ELF2: variants seen among roughly 807,000 people sequenced by gnomAD.
The protein encoded by ELF2 is E74 like ETS transcription factor 2.
ELF2 carries 11 observed loss-of-function variants against 54.8 expected under a neutral mutation model. The ratio of observed to expected loss-of-function variants is 0.20; its 90% CI spans 0.13 to 0.33. The LOEUF is 0.33. Ranked by LOEUF, ELF2 falls within the 10% of genes least tolerant of loss-of-function variation. The probability of loss-of-function intolerance (pLI) is 1.00; values close to 1 mark genes in which losing one functional copy is unlikely to be tolerated. For missense variants in ELF2, 513 were observed against 703.0 expected, an observed-to-expected ratio of 0.73 and a Z score of 3.06; for synonymous variants, 203 against 245.1, an observed-to-expected ratio of 0.83 and a Z score of 1.61.
chr4:139,149,339 T>A (rs1355671170), intron 1 of ELF2, among the ~76,000 whole-genome samples: 1 of 152,168 alleles, frequency 6.6e-6, no homozygotes, highest in Non-Finnish European at 1.5e-5. Flanking sequence ...TCTCTGGGCA[T>A]GGTGGCTCAC....
intron 6 of ELF2, among the ~76,000 whole-genome samples, chr4:139,068,482 T>G (rs1247868957): frequency 6.6e-6 from 1 of 152,192 alleles, no homozygotes; most frequent in Non-Finnish European, 1.5e-5. Context: ...GTAAAAAATA[T>G]CAAACACTCT....
chr4:139,065,648 A>G (rs571381944), intron 7 of ELF2, among the ~76,000 whole-genome samples: 1 of 152,334 alleles, frequency 6.6e-6, no homozygotes, highest in African/African-American at 2.4e-5. Flanking sequence ...AACAGCTTCA[A>G]TTAATTACAT....
In ELF2 at chr4:139,170,711, C is replaced by CATTAT. The variant is rs1228735795; in HGVS notation, c.-252+6255_-252+6256insATAAT. On this transcript the variant is annotated intron_variant, in intron 1 of 9. Coordinates refer to ENST00000686138, the MANE Select transcript of ELF2 (RefSeq NM_001331036.3). ...TAAGTCAAACAACCCAATTATATTA[C>CATTAT]ATTACATTATATTATATTATATTAT... Among the ~76,000 whole-genome samples the CATTAT allele has an allele frequency of 3.1e-4, 32 of 103,104 alleles. No individual in the cohort carries two copies. The South Asian group carries it at 5.2e-3, about 17-fold the overall frequency. The allele number at this position is 103,104 out of a possible 152,430, so 67.6% of individuals were successfully genotyped here.
rs1445740841 is a variant in ELF2 at position 139,108,804 on chromosome 4, G to T, written c.238+16360C>A. On this transcript the variant is annotated intron_variant, in intron 4 of 9. Transcript: ENST00000686138. ...AAAAAAATAAAAGAATCGAAGAACTGGTTGTTAAGGAAGGTCACAGAAGAC... is the reference window on the plus strand; with the variant it reads ...AAAAAAATAAAAGAATCGAAGAACTTGTTGTTAAGGAAGGTCACAGAAGAC... Among the ~76,000 whole-genome samples, 4 of 152,050 alleles carry T rather than the reference G, an allele frequency of 2.6e-5. No homozygotes were observed. The East Asian group carries it at 7.7e-4, about 29-fold the overall frequency.
rs534806158 is a variant in ELF2, at chr4:139,071,590, C to G, written c.526+276G>C. Among the ~76,000 whole-genome samples the G allele has an allele frequency of 9.2e-5, 14 of 152,128 alleles. No individual in the cohort carries two copies. The South Asian group carries it at 2.3e-3, about 25-fold the overall frequency. On this transcript the variant is annotated intron_variant, in intron 6 of 9. Transcript: ENST00000686138. Reference sequence around the variant, plus strand: ...GGAGAAGATGGAGTAAGACAAGGTGCAGGGAATCTCTGATCTGCCTTCTGT... The same window carrying G: ...GGAGAAGATGGAGTAAGACAAGGTGGAGGGAATCTCTGATCTGCCTTCTGT...
At position 139,132,074 on chromosome 4, in the gene ELF2, G is replaced by C. The variant is rs191326186; in HGVS notation, c.72+5556C>G. ...ATTATTAACCTGGTGAAAGAGAGGT[G>C]AGCAGACAAAAGATGGATTTTCATT... On this transcript the variant is annotated intron_variant, in intron 3 of 9. Coordinates refer to ENST00000686138, the MANE Select transcript of ELF2 (RefSeq NM_001331036.3). Among the ~76,000 whole-genome samples the C allele has an allele frequency of 5.3e-5, 8 of 152,270 alleles. No individual in the cohort carries two copies. In the East Asian group the frequency reaches 1.5e-3, roughly 29 times the overall value.
chr4:139,150,483 T>C (rs1293764028), intron 1 of ELF2, among the ~76,000 whole-genome samples: 2 of 141,208 alleles, frequency 1.4e-5, no homozygotes, highest in Non-Finnish European at 3.0e-5. Context: ...CACACCAGTG[T>C]AGTCCTCCCT....
At chr4:139,149,360 C>T (rs1739612883) in intron 1 of ELF2, among the ~76,000 whole-genome samples, 2 of 152,136 alleles carry the variant, frequency 1.3e-5, no homozygotes, top group African/African-American at 2.4e-5. Context: ...GCCTGTAATC[C>T]CATCACTTTG....
In ELF2 at chr4:139,139,406, T is replaced by C; in HGVS notation, c.-167+7A>G. Reference sequence around the variant, plus strand: ...ATATAATAATAGCAGAAATAAATTTTACTTACAGTTTGTATGTTAAGTAGT... The same window carrying C: ...ATATAATAATAGCAGAAATAAATTTCACTTACAGTTTGTATGTTAAGTAGT... On this transcript the variant is annotated splice_region_variant and intron_variant, in intron 2 of 9. Coordinates refer to ENST00000686138, the MANE Select transcript of ELF2 (RefSeq NM_001331036.3). 8.3e-7 allele frequency: 1 copy of C among 1,211,082 alleles called. No individual in the cohort carries two copies. Among genetic ancestry groups the C allele is most frequent in the South Asian group, 4.2e-5 (1 of 23,902 alleles). The allele number at this position is 1,211,082 out of a possible 1,614,324, so 75.0% of individuals were successfully genotyped here. A position where few individuals can be genotyped will look rare whatever the true frequency, so the allele number is the denominator to read the frequency against.
intron 2 of ELF2, 99 bp downstream of exon 2, chr4:139,139,311 TAAG>T (rs1738484170): frequency 1.0e-5 from 6 of 586,530 alleles, no homozygotes; most frequent in Admixed American, 4.6e-5. Context: ...CTTTGTATCT[TAAG>T]AAGAAAAAAT....
chr4:139,084,107 C>G, intron 4 of ELF2: 1 of 1,613,022 alleles, frequency 6.2e-7, no homozygotes, highest in Non-Finnish European at 8.5e-7. Context: ...CACCGATGCA[C>G]GGGAGAAAAG....
chr4:139,156,643 TTGC>T (rs910104134), intron 1 of ELF2, among the ~76,000 whole-genome samples: 10 of 91,154 alleles, frequency 1.1e-4, no homozygotes, highest in Middle Eastern at 0.015. Flanking sequence ...GTTGTTGTTG[TTGC>T]TGTTGTTGTT....
intron 1 of ELF2, among the ~76,000 whole-genome samples, chr4:139,141,127 CA>C (rs760311456): frequency 1.5e-4 from 23 of 152,148 alleles, no homozygotes; most frequent in Non-Finnish European, 3.2e-4. Context: ...CCCTCATTTT[CA>C]AGGGGCCTGG....
intron 1 of ELF2, among the ~76,000 whole-genome samples, chr4:139,150,070 T>G (rs1160421195): frequency 6.6e-6 from 1 of 152,004 alleles, no homozygotes; most frequent in African/African-American, 2.4e-5. Context: ...CCAGGCACAG[T>G]GGCTCACGCC....
intron 4 of ELF2, among the ~76,000 whole-genome samples, chr4:139,108,635 A>G (rs1211172263): frequency 6.6e-6 from 1 of 152,156 alleles, no homozygotes; most frequent in Non-Finnish European, 1.5e-5. Context: ...CTTTCTAAAA[A>G]TGCCACAGAA....
intron 4 of ELF2, chr4:139,100,731 A>T (rs1047124785): frequency 1.3e-5 from 2 of 152,254 alleles, no homozygotes; most frequent in South Asian, 2.1e-4. Flanking sequence ...AAAACAATTT[A>T]AAAATACTCT....
At chr4:139,125,837 T>C (rs956711329) in intron 3 of ELF2, among the ~76,000 whole-genome samples, 5 of 150,020 alleles carry the variant, frequency 3.3e-5, no homozygotes, top group Non-Finnish European at 5.9e-5. Context: ...GTAGAGAATC[T>C]ACAGAAAGCA....
intron 4 of ELF2, chr4:139,084,109 G>C (rs529529546): frequency 6.2e-7 from 1 of 1,613,088 alleles, no homozygotes; most frequent in African/African-American, 1.3e-5. Flanking sequence ...CCGATGCACG[G>C]GAGAAAAGTT....
chr4:139,115,706 T>C (rs1181123196), intron 4 of ELF2, among the ~76,000 whole-genome samples: 1 of 152,232 alleles, frequency 6.6e-6, no homozygotes, highest in Admixed American at 6.5e-5. Context: ...CTGAAATCAG[T>C]ACCTATCTTA....
Sources: allele counts gnomAD v4.1 joint callset (sites outside exome capture counted in the v4.1 genomes callset), GRCh38; gene constraint gnomAD v4.1.1; transcripts MANE v1.5; gene names NCBI Gene and HGNC (gene_info 2026-07-23, HGNC 2026-07-21).